The following MMP14 variants were observed in gnomAD, a reference collection of about 807,000 sequenced individuals.
MMP14 encodes the protein matrix metalloproteinase-14.
A neutral mutation model predicts 64.8 loss-of-function variants in MMP14; 13 were observed. The ratio of observed to expected loss-of-function variants is 0.20; its 90% CI spans 0.13 to 0.32. MMP14 has a LOEUF of 0.32. Ranked by LOEUF, MMP14 falls within the 10% of genes least tolerant of loss-of-function variation. The pLI, the probability that MMP14 is intolerant of heterozygous loss-of-function variation, is 1.00. For synonymous variants in MMP14, 322 were observed against 315.9 expected, an observed-to-expected ratio of 1.02 and a Z score of -0.20; for missense variants, 594 against 783.8, an observed-to-expected ratio of 0.76 and a Z score of 2.89.
At chr14:22,840,049 C>A (rs1028216532) in intron 1 of MMP14, among the ~76,000 whole-genome samples, 9 of 143,812 alleles carry the variant, frequency 6.3e-5, no homozygotes, top group African/African-American at 2.3e-4. Flanking sequence ...CTAACTGCAA[C>A]CTTGGCCTCC....
At position 22,843,708 on chromosome 14, in the gene MMP14, AG is replaced by A; in HGVS notation, c.854del. 6.3e-7 allele frequency: 1 copy of A among 1,587,140 alleles called. No homozygotes were observed. The highest frequency in any genetic ancestry group is 8.5e-7 in the Non-Finnish European group (1 of 1,172,090). On this transcript the variant is annotated splice_acceptor_variant, in intron 5 of 9. Coordinates refer to ENST00000311852, the MANE Select transcript of MMP14 (RefSeq NM_004995.4). LOFTEE classifies it high-confidence loss of function. The surrounding 1 kb of genome is among the most constrained non-coding windows in gnomAD (Gnocchi z 4.8). ...AAATGCCCCTCGTGTTTTCTGCCCC[AG>A]GGGGTGAGTCAGGGTTCCCCACCAA... is the stretch of plus-strand genomic sequence containing the variant.
Position 22,843,403 on chromosome 14 carries a change from A to G in MMP14, c.835A>G (p.Ile279Val). ...GCTGCCCGATGATGACCGCCGGGGC[A>G]TCCAGCAACTTTATGGCGAGTAGTC... ...FVLPDDDRRG[I>V]QQLYGGESGF... The change falls in exon 5 of 10, where the codon ATC (isoleucine) becomes GTC (valine). Residue 279 changes from isoleucine to valine, a missense_variant. Ile to Val is a conservative substitution (Grantham distance 29). Coordinates refer to ENST00000311852, the MANE Select transcript of MMP14 (RefSeq NM_004995.4). The surrounding 1 kb of genome is among the most constrained non-coding windows in gnomAD (Gnocchi z 4.8). The G allele has an allele frequency of 6.2e-7, 1 of 1,613,528 alleles. No individual in the cohort carries two copies. The highest frequency in any genetic ancestry group is 8.5e-7 in the Non-Finnish European group (1 of 1,179,774).
chr14:22,842,722 G>A lies in MMP14; in HGVS notation c.688+5G>A. On this transcript the variant is annotated splice_donor_5th_base_variant and intron_variant, in intron 4 of 9. Transcript: ENST00000311852. The surrounding 1 kb of genome is among the most constrained non-coding windows in gnomAD (Gnocchi z 5.3). ...TCAGGAATGAGGATCTGAATGGTGA[G>A]CCAAGTATCCCTGGGACTTACTCTG... 2 of 1,589,618 alleles carry A rather than the reference G, an allele frequency of 1.3e-6. No homozygotes were observed. Among genetic ancestry groups the A allele is most frequent in the Non-Finnish European group, 1.7e-6 (2 of 1,164,748 alleles).
intron 1 of MMP14, among the ~76,000 whole-genome samples, chr14:22,837,933 G>A (rs1334047951): frequency 1.3e-5 from 2 of 152,234 alleles, no homozygotes; most frequent in African/African-American, 4.8e-5. Context: ...ACTCAGCCTG[G>A]CAAGGGCCTG....
intron 6 of MMP14, among the ~76,000 whole-genome samples, 168 bp downstream of exon 6, chr14:22,844,038 A>C (rs1413326297): frequency 6.6e-6 from 1 of 152,166 alleles, no homozygotes; most frequent in Non-Finnish European, 1.5e-5. Context: ...TCTACTAAAA[A>C]TACAAAAAAT....
rs534495007 is a variant in MMP14, at chr14:22,842,270, C to T, written c.381-140C>T. On this transcript the variant is annotated intron_variant, in intron 3 of 9. Transcript: ENST00000311852. The surrounding 1 kb of genome is among the most constrained non-coding windows in gnomAD (Gnocchi z 5.3). Reference sequence around the variant, plus strand: ...CCTTGTTCTTGAGACAGAGGCGTTGCGCATGAGGTAGCAGGAAGAGCTGGG... The same window carrying T: ...CCTTGTTCTTGAGACAGAGGCGTTGTGCATGAGGTAGCAGGAAGAGCTGGG... 4.3e-5 allele frequency: 46 copies of T among 1,075,160 alleles called. No individual in the cohort carries two copies. In the East Asian group the frequency reaches 7.6e-4, roughly 18 times the overall value. 66.6% of individuals were successfully genotyped at this position (1,075,160 alleles called of 1,614,324 possible).
rs1367596081 is a variant in MMP14 at position 22,843,250 on chromosome 14, CT to C, written c.689-5del. 1 of 1,612,180 alleles carries C rather than the reference CT, an allele frequency of 6.2e-7. No individual in the cohort carries two copies. Among genetic ancestry groups the C allele is most frequent in the Non-Finnish European group, 8.5e-7 (1 of 1,178,716 alleles). ...GGCTGCTATCGTCACTGTCCCCATC[CT>C]TCCAGGAAATGACATCTTCCTGGTG... On this transcript the variant is annotated splice_polypyrimidine_tract_variant and splice_region_variant and intron_variant, in intron 4 of 9. Transcript: ENST00000311852. This position sits in a 1 kb window ranked among gnomAD's most constrained non-coding sequence, Gnocchi z 4.8.
At chr14:22,838,921 C>T (rs2039753789) in intron 1 of MMP14, among the ~76,000 whole-genome samples, 1 of 152,160 alleles carries the variant, frequency 6.6e-6, no homozygotes, top group Non-Finnish European at 1.5e-5. Flanking sequence ...CAGGGAAGTC[C>T]TTCATTTGAC....
intron 8 of MMP14, 118 bp from the exon 9 acceptor site, chr14:22,845,133 C>T (rs2039802817): frequency 2.9e-6 from 2 of 692,930 alleles, no homozygotes; most frequent in East Asian, 2.9e-5. Context: ...TTACTCAAAA[C>T]CCCTGTCCCC....
At chr14:22,845,085 C>T (rs183516654) in intron 8 of MMP14, among the ~76,000 whole-genome samples, 166 bp from the exon 9 acceptor site, 2 of 152,288 alleles carry the variant, frequency 1.3e-5, no homozygotes, top group Admixed American at 1.3e-4. Flanking sequence ...CCCTCCCTTC[C>T]ACCCCCACCT....
Position 22,843,565 on chromosome 14 carries a change from C to T in MMP14, c.851-145C>T. 1 of 1,386,418 alleles carries T rather than the reference C, an allele frequency of 7.2e-7. No individual in the cohort carries two copies. The allele number at this position is 1,386,418 out of a possible 1,614,324, so 85.9% of individuals were successfully genotyped here. On this transcript the variant is annotated intron_variant, in intron 5 of 9. Coordinates refer to ENST00000311852, the MANE Select transcript of MMP14 (RefSeq NM_004995.4). The surrounding 1 kb of genome is among the most constrained non-coding windows in gnomAD (Gnocchi z 4.8). ...CTATCAGCTCCACTTTTGAGCCCAT[C>T]TTTTGTGTCGCCTCCCAGTTGGTTG...
At chr14:22,839,388 T>C (rs1292461602) in intron 1 of MMP14, among the ~76,000 whole-genome samples, 1 of 152,268 alleles carries the variant, frequency 6.6e-6, no homozygotes, top group Non-Finnish European at 1.5e-5. Flanking sequence ...AGGGCAAGCC[T>C]GCAGCTCCCT....
Position 22,846,199 on chromosome 14 carries a change from G to A in MMP14, c.*160G>A, listed in dbSNP as rs1033870158. 41 of 681,416 alleles carry A rather than the reference G, an allele frequency of 6.0e-5. No homozygotes were observed. Among genetic ancestry groups the A allele is most frequent in the African/African-American group, 2.2e-4 (12 of 55,200 alleles). The allele number at this position is 681,416 out of a possible 1,614,324, so 42.2% of individuals were successfully genotyped here. ...CTGGCTGGCCTCCTTCACCCTGACC[G>A]CCTCCCTCCCTCCTGCCCCGGCATT... On this transcript the variant is annotated 3_prime_UTR_variant, in exon 10 of 10. Coordinates refer to ENST00000311852, the MANE Select transcript of MMP14 (RefSeq NM_004995.4).
chr14:22,841,306 C>G (rs558897110), intron 1 of MMP14, among the ~76,000 whole-genome samples, 185 bp from the exon 2 acceptor site: 3 of 152,348 alleles, frequency 2.0e-5, no homozygotes, highest in African/African-American at 7.2e-5. Context: ...GCTATAGCCC[C>G]GAGGGGCCTG....
chr14:22,841,504 A>C lies in MMP14; in HGVS notation c.122A>C (p.Gln41Pro). 2 of 1,613,960 alleles carry C rather than the reference A, an allele frequency of 1.2e-6. No individual in the cohort carries two copies. Among genetic ancestry groups the C allele is most frequent in the Non-Finnish European group, 1.7e-6 (2 of 1,179,990 alleles). Residue 41 changes from glutamine (Q) to proline (P), a missense_variant, in exon 2 of 10, where the codon CAA becomes CCA. Physicochemically the swap from Gln to Pro is moderately conservative, Grantham distance 76. This residue lies in a region of MMP14 where 179 missense variants were observed against 283.4 expected (regional missense o/e 0.63). Transcript: ENST00000311852. The stretch of plus-strand genomic sequence containing the variant: ...CTTTCCCTACAGGCCTGGCTACAGC[A>C]ATATGGCTACCTGCCTCCCGGGGAC... ...SSFSPEAWLQQYGYLPPGDLR... is the reference protein window; with the variant it reads ...SSFSPEAWLQPYGYLPPGDLR...
At chr14:22,844,804 C>A in intron 8 of MMP14, 24 bp downstream of exon 8, 1 of 1,613,300 alleles carries the variant, frequency 6.2e-7, no homozygotes, top group Non-Finnish European at 8.5e-7. Context: ...CCCTTAACCC[C>A]AGGCCTCCCT....
chr14:22,837,145 C>T (rs1419106681), intron 1 of MMP14: 1 of 686,584 alleles, frequency 1.5e-6, no homozygotes, highest in Non-Finnish European at 2.7e-6. Context: ...CCCCCTGCGC[C>T]GCCGACTCTC....
rs780367986 is a variant in MMP14 at position 22,836,878 on chromosome 14, G to T, written c.61G>T (p.Ala21Ser). Residue 21 changes from alanine to serine, a missense_variant, in exon 1 of 10, where the codon GCG becomes TCG. Ala to Ser is a moderately conservative substitution (Grantham distance 99). Around this residue, in one of 4 missense-constraint regions of MMP14, gnomAD observed 45 missense variants for 48.8 expected, o/e 0.92. Coordinates refer to ENST00000311852, the MANE Select transcript of MMP14 (RefSeq NM_004995.4). ...GCTCCCCCTGCTCACGCTCGGCACC[G>T]CGCTCGCCTCCCTCGGCTCGGCCCA... ...LLLPLLTLGT[A>S]LASLGSAQSS... 9 of 1,613,418 alleles carry T rather than the reference G, an allele frequency of 5.6e-6. No homozygotes were observed. In the African/African-American group the frequency reaches 9.4e-5, roughly 17 times the overall value.
At position 22,841,978 on chromosome 14, in the gene MMP14, G is replaced by A. The variant is rs2039776243; in HGVS notation, c.323G>A (p.Arg108Gln). The A allele has an allele frequency of 2.5e-6, 4 of 1,614,230 alleles. No homozygotes were observed. Among genetic ancestry groups the A allele is most frequent in the Non-Finnish European group, 3.4e-6 (4 of 1,180,050 alleles). Residue 108 changes from arginine to glutamine, a missense_variant, in exon 3 of 10, where the codon CGA becomes CAA. Arg to Gln is a conservative substitution (Grantham distance 43). Around this residue, in one of 4 missense-constraint regions of MMP14, gnomAD observed 179 missense variants for 283.4 expected, o/e 0.63. Coordinates refer to ENST00000311852, the MANE Select transcript of MMP14 (RefSeq NM_004995.4). Reference protein sequence around the residue: ...KFGAEIKANVRRKRYAIQGLK... With the variant: ...KFGAEIKANVQRKRYAIQGLK... Reference sequence around the variant, plus strand: ...GGGGCTGAGATCAAGGCCAATGTTCGAAGGAAGCGCTACGCCATCCAGGGT... The same window carrying A: ...GGGGCTGAGATCAAGGCCAATGTTCAAAGGAAGCGCTACGCCATCCAGGGT...
Sources: allele counts gnomAD v4.1 joint callset (sites outside exome capture counted in the v4.1 genomes callset), GRCh38; gene constraint gnomAD v4.1.1; regional missense constraint gnomAD v4.1.1; non-coding constraint Gnocchi (gnomAD v3.1); transcripts MANE v1.5; gene names NCBI Gene and HGNC (gene_info 2026-07-23, HGNC 2026-07-21).